Variants in ATP2C2 observed in about 807,000 individuals in gnomAD.
ATP2C2 encodes ATPase secretory pathway Ca2+ transporting 2, also known as calcium-transporting ATPase type 2C member 2.
Under a neutral mutation model 110.8 loss-of-function variants are expected in ATP2C2, and 171 were observed. The ratio of observed to expected loss-of-function variants is 1.54; its 90% CI spans 1.36 to 1.75. ATP2C2 has a LOEUF of 1.75. Ranked by LOEUF, ATP2C2 falls within the 40% of genes most tolerant of loss-of-function variation. The pLI is 0.00. For synonymous variants in ATP2C2, 804 were observed against 508.4 expected (o/e 1.58, Z -7.82); for missense variants, 1,963 against 1,235.0 (o/e 1.59, Z -8.84).
chr16:84,458,782 C>T (rs933207871), intron 21 of ATP2C2, among the ~76,000 whole-genome samples: 5 of 152,184 alleles, frequency 3.3e-5, no homozygotes, highest in Non-Finnish European at 5.9e-5. Flanking sequence ...TGGTAAATCG[C>T]GGAGATGCAC....
At chr16:84,458,985 A>G (rs1239440257) in intron 21 of ATP2C2, 135 bp from the exon 22 acceptor site, 1 of 934,174 alleles carries the variant, frequency 1.1e-6, no homozygotes. Context: ...CAAGAATGCC[A>G]GCAAGGGGAA....
chr16:84,401,539 C>G (rs1905321788), intron 2 of ATP2C2, among the ~76,000 whole-genome samples: 2 of 152,112 alleles, frequency 1.3e-5, no homozygotes, highest in African/African-American at 2.4e-5. Context: ...ATTTCACTCT[C>G]CTGCATATGG....
intron 10 of ATP2C2, among the ~76,000 whole-genome samples, chr16:84,423,684 T>A (rs1907556557): frequency 6.6e-6 from 1 of 152,194 alleles, no homozygotes; most frequent in Non-Finnish European, 1.5e-5. Flanking sequence ...TGGAGGCTTG[T>A]GGAGGACATT....
chr16:84,411,594 A>C (rs984914163), intron 6 of ATP2C2, among the ~76,000 whole-genome samples: 1 of 152,118 alleles, frequency 6.6e-6, no homozygotes, highest in South Asian at 2.1e-4. Context: ...GGCATGCACC[A>C]CTACACCTGG....
In ATP2C2 at chr16:84,405,162, T is replaced by A; in HGVS notation, c.245T>A (p.Val82Glu). The A allele has an allele frequency of 6.2e-7, 1 of 1,614,042 alleles. No homozygotes were observed. The highest frequency in any genetic ancestry group is 8.5e-7 in the Non-Finnish European group (1 of 1,180,018). Residue 82 changes from valine to glutamate, a missense_variant, in exon 3 of 27, where the codon GTG (valine) becomes GAG (glutamate). By Grantham distance (121) the Val-to-Glu change is moderately radical (BLOSUM62 -2). Transcript: ENST00000262429. ...DLHTGLSEFSVTQRRLAHGWN... is the reference protein window; with the variant it reads ...DLHTGLSEFSETQRRLAHGWN... ...CACACTGGGCTGTCGGAGTTCTCGG[T>A]GACGCAGCGCCGGCTGGCCCATGGC...
At chr16:84,462,883 T>C (rs3743660) in intron 26 of ATP2C2, 24,488 of 153,038 alleles carry the variant, frequency 0.16, 2,514 homozygotes, top group East Asian at 0.54. Context: ...CATGGGATTA[T>C]GCATCAGACC....
chr16:84,451,196 C>CGGTTT (rs1567737428), intron 17 of ATP2C2, among the ~76,000 whole-genome samples: 2 of 152,046 alleles, frequency 1.3e-5, no homozygotes, highest in African/African-American at 2.4e-5. Flanking sequence ...TAAGGGGAAA[C>CGGTTT]CCCTCATAAA....
intron 11 of ATP2C2, among the ~76,000 whole-genome samples, chr16:84,427,552 A>G (rs988138777): frequency 6.6e-6 from 1 of 152,124 alleles, no homozygotes; most frequent in Non-Finnish European, 1.5e-5. Flanking sequence ...CCCTGTCTCT[A>G]CTAAAAATAC....
rs763657613 is a variant in ATP2C2, at chr16:84,446,306, AATGTGTC to A, written c.1402-20_1402-14del. On this transcript the variant is annotated splice_polypyrimidine_tract_variant and intron_variant, in intron 15 of 26. Transcript: ENST00000262429. ...GATTGGCTTCGGATGACTCACTAAA[AATGTGTC>A]ATTTTATTATGCTAGATGGACTTAA... is the stretch of plus-strand genomic sequence containing the variant. 6.8e-7 allele frequency: 1 copy of A among 1,474,306 alleles called. No homozygotes were observed. The highest frequency in any genetic ancestry group is 9.3e-7 in the Non-Finnish European group (1 of 1,079,326). The allele number at this position is 1,474,306 out of a possible 1,614,324, so 91.3% of individuals were successfully genotyped here.
chr16:84,410,855 T>C (rs1235654982), intron 6 of ATP2C2, 90 bp downstream of exon 6: 6 of 1,327,684 alleles, frequency 4.5e-6, no homozygotes, highest in South Asian at 1.2e-5. Context: ...AGTTGTATCC[T>C]TGGTAGTGTC....
intron 2 of ATP2C2, 120 bp from the exon 3 acceptor site, chr16:84,405,008 A>C (rs1262487853): frequency 1.2e-6 from 1 of 858,938 alleles, no homozygotes; most frequent in Non-Finnish European, 2.0e-6. Flanking sequence ...ACCTTGGTGG[A>C]CAAGCCTGTG....
At chr16:84,410,032 G>C (rs542803835) in intron 4 of ATP2C2, among the ~76,000 whole-genome samples, 1 of 152,132 alleles carries the variant, frequency 6.6e-6, no homozygotes, top group African/African-American at 2.4e-5. Flanking sequence ...CATGGTGAAA[G>C]CCCGTCTCTA....
chr16:84,444,476 AAAAC>A (rs1909567821), intron 15 of ATP2C2, among the ~76,000 whole-genome samples: 1 of 152,252 alleles, frequency 6.6e-6, no homozygotes, highest in Non-Finnish European at 1.5e-5. Context: ...CCGTCTCAAA[AAAAC>A]AAACAGAAAT....
At chr16:84,410,438 T>G in intron 4 of ATP2C2, 130 bp from the exon 5 acceptor site, 2 of 1,090,800 alleles carry the variant, frequency 1.8e-6, no homozygotes, top group Non-Finnish European at 2.8e-6. Flanking sequence ...TTTCTAAATT[T>G]CTGTACTGTG....
At chr16:84,412,882 G>T (rs1354391034) in intron 6 of ATP2C2, among the ~76,000 whole-genome samples, 1 of 151,862 alleles carries the variant, frequency 6.6e-6, no homozygotes, top group African/African-American at 2.4e-5. Context: ...GCTCACCTGA[G>T]GTCAGGAGTT....
chr16:84,371,322 G>T (rs1243837539), intron 1 of ATP2C2, among the ~76,000 whole-genome samples: 1 of 152,164 alleles, frequency 6.6e-6, no homozygotes, highest in Non-Finnish European at 1.5e-5. Flanking sequence ...TTCAAGATCA[G>T]CCTGGGCAAC....
chr16:84,414,153 C>G (rs757742614), intron 6 of ATP2C2, among the ~76,000 whole-genome samples: 1 of 152,108 alleles, frequency 6.6e-6, no homozygotes, highest in Admixed American at 6.5e-5. Flanking sequence ...GGAAGAGGAG[C>G]CTGCCATGGG....
At chr16:84,428,483 G>C (rs1038091972) in intron 11 of ATP2C2, among the ~76,000 whole-genome samples, 1 of 152,154 alleles carries the variant, frequency 6.6e-6, no homozygotes, top group Admixed American at 6.5e-5. Flanking sequence ...TCTGGCTTTG[G>C]ATACTTTGTC....
At chr16:84,451,743 CAGG>C (rs1185339965) in intron 17 of ATP2C2, among the ~76,000 whole-genome samples, 175 bp from the exon 18 acceptor site, 1 of 152,144 alleles carries the variant, frequency 6.6e-6, no homozygotes, top group Non-Finnish European at 1.5e-5. Context: ...GAGGCTGAGG[CAGG>C]AGAACGGTTT....
Sources: allele counts gnomAD v4.1 joint callset (sites outside exome capture counted in the v4.1 genomes callset), GRCh38; gene constraint gnomAD v4.1.1; transcripts MANE v1.5; gene names NCBI Gene and HGNC (gene_info 2026-07-23, HGNC 2026-07-21).